Variants in EXOC6 observed in about 807,000 individuals in gnomAD.
EXOC6 encodes SEC15-like 1.
A neutral mutation model predicts 112.5 loss-of-function variants in EXOC6; 60 were observed. The observed-to-expected ratio is 0.53, with a 90% confidence interval of 0.43 to 0.66. EXOC6 has a LOEUF of 0.66. Ranked by LOEUF, EXOC6 falls within the 30% of genes least tolerant of loss-of-function variation. The pLI, the probability that EXOC6 is intolerant of heterozygous loss-of-function variation, is 0.00. For synonymous variants in EXOC6, 295 were observed against 308.0 expected (o/e 0.96, Z 0.44); for missense variants, 855 against 957.1 (o/e 0.89, Z 1.41).
Position 92,848,645 on chromosome 10 carries a change from C to T in EXOC6, c.101+11C>T. 1 of 1,383,424 alleles carries T rather than the reference C, an allele frequency of 7.2e-7. No homozygotes were observed. Among genetic ancestry groups the T allele is most frequent in the Non-Finnish European group, 9.5e-7 (1 of 1,047,562 alleles). The allele number at this position is 1,383,424 out of a possible 1,614,324, so 85.7% of individuals were successfully genotyped here. On this transcript the variant is annotated intron_variant, in intron 1 of 21. Transcript: ENST00000260762. ...GGGGCCCACCCTCCGGTAAAGATCT[C>T]ATCCCACCGGGACTTCGGCCCCCCG...
chr10:92,933,871 A>C (rs1385316841), intron 9 of EXOC6, among the ~76,000 whole-genome samples: 1 of 152,160 alleles, frequency 6.6e-6, no homozygotes, highest in Non-Finnish European at 1.5e-5. Context: ...ATACATAGTC[A>C]AAGTAGAGGT....
At chr10:92,953,370 C>T (rs1020316984) in intron 15 of EXOC6, among the ~76,000 whole-genome samples, 2 of 152,118 alleles carry the variant, frequency 1.3e-5, no homozygotes, top group East Asian at 1.9e-4. Context: ...CAATCCACTG[C>T]GCCTGGCCCA....
chr10:92,958,963 G>A (rs932502080), intron 17 of EXOC6, among the ~76,000 whole-genome samples: 6 of 151,988 alleles, frequency 3.9e-5, no homozygotes, highest in Admixed American at 6.6e-5. Flanking sequence ...GTGTGGTGGT[G>A]CGCACATGTA....
At chr10:92,933,827 G>A (rs1852196380) in intron 9 of EXOC6, among the ~76,000 whole-genome samples, 1 of 152,094 alleles carries the variant, frequency 6.6e-6, no homozygotes, top group Admixed American at 6.5e-5. Flanking sequence ...GGGACAGGCT[G>A]GAAGTTGGGG....
chr10:93,005,798 A>G (rs1330621993), intron 19 of EXOC6, among the ~76,000 whole-genome samples: 2 of 152,202 alleles, frequency 1.3e-5, no homozygotes, highest in Non-Finnish European at 2.9e-5. Flanking sequence ...ACCTATTTCA[A>G]TGGTGAGTTA....
At chr10:92,952,220 A>G (rs1409054778) in intron 14 of EXOC6, 53 bp from the exon 15 acceptor site, 1 of 1,100,152 alleles carries the variant, frequency 9.1e-7, no homozygotes, top group Non-Finnish European at 1.4e-6. Context: ...TTTAGTGATT[A>G]GCATGTCTTT....
chr10:92,903,893 C>T (rs1420981033), intron 5 of EXOC6, among the ~76,000 whole-genome samples: 1 of 152,008 alleles, frequency 6.6e-6, no homozygotes, highest in Non-Finnish European at 1.5e-5. Context: ...ATCATGTATC[C>T]ATTACAGTAT....
intron 17 of EXOC6, among the ~76,000 whole-genome samples, chr10:92,962,160 G>A (rs764378592): frequency 1.6e-4 from 24 of 152,028 alleles, no homozygotes; most frequent in Non-Finnish European, 2.6e-4. Flanking sequence ...AGAGATTTAG[G>A]TTATTCTAGG....
At chr10:93,044,446 GATATT>G (rs1845916039) in intron 20 of EXOC6, among the ~76,000 whole-genome samples, 1 of 152,074 alleles carries the variant, frequency 6.6e-6, no homozygotes, top group Admixed American at 6.5e-5. Context: ...TACTAACTGA[GATATT>G]ATAATATTGT....
At chr10:92,884,249 G>T (rs1849099453) in intron 1 of EXOC6, among the ~76,000 whole-genome samples, 1 of 152,192 alleles carries the variant, frequency 6.6e-6, no homozygotes, top group South Asian at 2.1e-4. Context: ...ACACCAAAAG[G>T]TGTCAGTTGA....
intron 20 of EXOC6, among the ~76,000 whole-genome samples, chr10:93,024,699 T>C (rs776282562): frequency 2.0e-5 from 3 of 152,172 alleles, no homozygotes; most frequent in Non-Finnish European, 2.9e-5. Flanking sequence ...ATTACAGGTG[T>C]AAGCCACCGT....
chr10:92,842,453 T>G (rs1358694706), intron 1 of EXOC6, among the ~76,000 whole-genome samples: 1 of 150,370 alleles, frequency 6.7e-6, no homozygotes, highest in East Asian at 2.0e-4. Context: ...ATCATCATCA[T>G]CATCATCATC....
intron 1 of EXOC6, among the ~76,000 whole-genome samples, chr10:92,854,783 A>G (rs1847518599): frequency 6.6e-6 from 1 of 152,072 alleles, no homozygotes; most frequent in Admixed American, 6.5e-5. Context: ...GGATTTTTGC[A>G]TGTGTATTCA....
upstream of EXOC6, among the ~76,000 whole-genome samples, chr10:92,831,168 A>C (rs1017151587): frequency 6.6e-6 from 1 of 152,100 alleles, no homozygotes; most frequent in African/African-American, 2.4e-5. Flanking sequence ...GGCAGACAGA[A>C]ACTGCACTTA....
intron 20 of EXOC6, among the ~76,000 whole-genome samples, chr10:93,030,679 A>C (rs974039541): frequency 5.9e-5 from 9 of 152,248 alleles, no homozygotes; most frequent in African/African-American, 2.2e-4. Flanking sequence ...GAAAGTATGC[A>C]GTCTCCAAGT....
intron 1 of EXOC6, among the ~76,000 whole-genome samples, chr10:92,866,519 T>G (rs1848181611): frequency 6.6e-6 from 1 of 152,186 alleles, no homozygotes; most frequent in African/African-American, 2.4e-5. Flanking sequence ...TATTTATTAA[T>G]TAACTTAATA....
At chr10:92,962,908 C>T (rs901740843) in intron 17 of EXOC6, among the ~76,000 whole-genome samples, 4 of 152,176 alleles carry the variant, frequency 2.6e-5, no homozygotes, top group African/African-American at 9.7e-5. Context: ...GAGACTTAAA[C>T]TCTATAATGA....
intron 1 of EXOC6, among the ~76,000 whole-genome samples, chr10:92,871,586 C>T (rs1185234677): frequency 6.6e-6 from 1 of 151,534 alleles, no homozygotes; most frequent in African/African-American, 2.4e-5. Context: ...GCTGGAGGAT[C>T]ACTTGAGTCT....
intron 9 of EXOC6, among the ~76,000 whole-genome samples, chr10:92,930,644 A>G (rs916199267): frequency 6.6e-6 from 1 of 152,096 alleles, no homozygotes; most frequent in African/African-American, 2.4e-5. Flanking sequence ...GGGATCATCG[A>G]CCTAAATGTA....
Sources: allele counts gnomAD v4.1 joint callset (sites outside exome capture counted in the v4.1 genomes callset), GRCh38; gene constraint gnomAD v4.1.1; transcripts MANE v1.5; gene names NCBI Gene and HGNC (gene_info 2026-07-23, HGNC 2026-07-21).